Variants in COL6A3 observed in about 807,000 individuals in gnomAD.
The protein encoded by COL6A3 is collagen type VI alpha 3 chain, also known as collagen alpha-3(VI) chain.
A neutral mutation model predicts 274.1 loss-of-function variants in COL6A3; 137 were observed. That is an observed-to-expected ratio of 0.50 (90% CI 0.44 to 0.58). The LOEUF is 0.58. Among genes scored for constraint, COL6A3 ranks in the 20% least tolerant of loss-of-function variants. COL6A3 has a pLI of 0.00. For missense variants in COL6A3, 3,950 were observed against 4,124.9 expected (o/e 0.96, Z 1.16); for synonymous variants, 1,650 against 1,650.6 (o/e 1.00, Z 0.01).
At chr2:237,333,706 C>T (rs1700384756) in intron 41 of COL6A3, among the ~76,000 whole-genome samples, 158 bp from the exon 42 acceptor site, 1 of 152,192 alleles carries the variant, frequency 6.6e-6, no homozygotes, top group Non-Finnish European at 1.5e-5. Flanking sequence ...ACATCCACGA[C>T]TTATGCTGTG....
intron 5 of COL6A3, among the ~76,000 whole-genome samples, chr2:237,380,623 A>G (rs192263057): frequency 6.6e-6 from 1 of 152,362 alleles, no homozygotes. Flanking sequence ...CTGACAAGCG[A>G]TAAGAACTGA....
chr2:237,352,015 C>T (rs1170005265), intron 26 of COL6A3, among the ~76,000 whole-genome samples: 1 of 152,204 alleles, frequency 6.6e-6, no homozygotes, highest in Non-Finnish European at 1.5e-5. Flanking sequence ...GATCCTAGCC[C>T]AGCAATGACA....
At chr2:237,378,179 CTTTG>C (rs2077901744) in intron 6 of COL6A3, among the ~76,000 whole-genome samples, 1 of 152,160 alleles carries the variant, frequency 6.6e-6, no homozygotes, top group Non-Finnish European at 1.5e-5. Context: ...AAGATGCACC[CTTTG>C]TTTGTTTTAT....
chr2:237,329,716 T>TA (rs1349685830), intron 42 of COL6A3: 4 of 152,230 alleles, frequency 2.6e-5, no homozygotes, highest in African/African-American at 4.8e-5. Flanking sequence ...GTATCCAATA[T>TA]AAGAGCTCTT....
Position 237,344,064 on chromosome 2 carries a change from GTAGA to G in COL6A3, c.7668+282_7668+285del. On this transcript the variant is annotated intron_variant, in intron 36 of 43. Transcript: ENST00000295550. The surrounding 1 kb of genome is among the most constrained non-coding windows in gnomAD (Gnocchi z 4.8). ...GCAAACAAGTCACACCACCTTGTTA[GTAGA>G]TAGAGAGTGTCACCAACACTAGCAT... 1 of 505,962 alleles carries G rather than the reference GTAGA, an allele frequency of 2.0e-6. No individual in the cohort carries two copies. Among genetic ancestry groups the G allele is most frequent in the South Asian group, 2.0e-5 (1 of 49,686 alleles). 31.3% of individuals were successfully genotyped at this position (505,962 alleles called of 1,614,324 possible). A position where few individuals can be genotyped will look rare whatever the true frequency, so the allele number is the denominator to read the frequency against.
rs764027352 is a variant in COL6A3 at position 237,351,193 on chromosome 2, C to G, written c.6754-1G>C. ...GAGCACCAGCGGCACCTCCGCTTCC[C>G]TGGAGCAGGAGGGGAGGAATGTGTC... On this transcript the variant is annotated splice_acceptor_variant, in intron 26 of 43. Transcript: ENST00000295550. LOFTEE classifies it high-confidence loss of function. 6.2e-7 allele frequency: 1 copy of G among 1,614,140 alleles called. No individual in the cohort carries two copies.
rs1216842831 is a variant in COL6A3, at chr2:237,369,039, A to G, written c.4424T>C (p.Val1475Ala). The G allele has an allele frequency of 2.5e-6, 4 of 1,613,900 alleles. No individual in the cohort carries two copies. The Admixed American group carries it at 5.0e-5, about 20-fold the overall frequency. The change falls in exon 10 of 44, where the codon GTT becomes GCT. Residue 1475 changes from valine (V) to alanine (A), a missense_variant. By Grantham distance (64) the Val-to-Ala change is moderately conservative. Coordinates refer to ENST00000295550, the MANE Select transcript of COL6A3 (RefSeq NM_004369.4). The stretch of plus-strand genomic sequence containing the variant: ...ATCATTGCTGAACTGCACGACCCCA[A>G]CTCTCACTTTACTGGGGCCGATGTT... ...RLNIGPSKVRVGVVQFSNDVF... is the reference protein window; with the variant it reads ...RLNIGPSKVRAGVVQFSNDVF...
At position 237,342,376 on chromosome 2, in the gene COL6A3, A is replaced by G. The variant is rs1402153478; in HGVS notation, c.7669-215T>C. The G allele has an allele frequency of 2.4e-5, 14 of 583,134 alleles. No homozygotes were observed. In the Admixed American group the frequency reaches 2.8e-4, roughly 12 times the overall value. 36.1% of individuals were successfully genotyped at this position (583,134 alleles called of 1,614,324 possible). ...TCTACTAGGGTGAGCTGGAGTTCAT[A>G]TCCCGTTCAAATGGGTTTCAGTTTT... On this transcript the variant is annotated intron_variant, in intron 36 of 43. Coordinates refer to ENST00000295550, the MANE Select transcript of COL6A3 (RefSeq NM_004369.4).
At chr2:237,338,036 T>C (rs942685897) in intron 39 of COL6A3, among the ~76,000 whole-genome samples, 1 of 152,242 alleles carries the variant, frequency 6.6e-6, no homozygotes, top group Admixed American at 6.5e-5. Flanking sequence ...ATACGGTAAA[T>C]TGTTTGGAAC....
In COL6A3 at chr2:237,336,232, A is replaced by T; in HGVS notation, c.8868T>A (p.Ala2956=). The T allele has an allele frequency of 6.2e-7, 1 of 1,612,062 alleles. No homozygotes were observed. The highest frequency in any genetic ancestry group is 1.1e-5 in the South Asian group (1 of 91,014). ...AAKPAAVRPP[A]AAAAKPVATK... ...TCGCCACTGGTTTTGCAGCAGCAGCAGCGGGGGGTCTTACAGCTGCTGGCT... is the reference window on the plus strand; with the variant it reads ...TCGCCACTGGTTTTGCAGCAGCAGCTGCGGGGGGTCTTACAGCTGCTGGCT... The change falls in exon 40 of 44, where the codon GCT becomes GCA. Residue 2956 remains alanine, a synonymous_variant. Coordinates refer to ENST00000295550, the MANE Select transcript of COL6A3 (RefSeq NM_004369.4).
At position 237,336,672 on chromosome 2, in the gene COL6A3, T is replaced by C. The variant is rs1002394714; in HGVS notation, c.8568-140A>G. 36 of 784,328 alleles carry C rather than the reference T, an allele frequency of 4.6e-5. 1 individual carries two copies. In the South Asian group the frequency reaches 4.7e-4, roughly 10 times the overall value. The allele number at this position is 784,328 out of a possible 1,614,324, so 48.6% of individuals were successfully genotyped here. ...TATAGATTATGTATAGCAGTGCATATATTAAATTCCTTCTTTTAAGGATCT... is the reference window on the plus strand; with the variant it reads ...TATAGATTATGTATAGCAGTGCATACATTAAATTCCTTCTTTTAAGGATCT... On this transcript the variant is annotated intron_variant, in intron 39 of 43. Transcript: ENST00000295550.
intron 42 of COL6A3, among the ~76,000 whole-genome samples, chr2:237,332,311 C>T (rs1397214017): frequency 6.6e-6 from 1 of 151,398 alleles, no homozygotes; most frequent in African/African-American, 2.4e-5. Context: ...CTTTTTCTCT[C>T]AATGAAGCAC....
rs764882498 is a variant in COL6A3 at position 237,359,180 on chromosome 2, T to G, written c.6354+26A>C. ...CTGGAATCTTCAGAACCAAAAGCAG[T>G]TTGGACTTAGAGTAAAATCACTTAC... On this transcript the variant is annotated intron_variant, in intron 19 of 43. Transcript: ENST00000295550. The G allele has an allele frequency of 4.2e-5, 67 of 1,614,040 alleles. 1 individual carries two copies. In the South Asian group the frequency reaches 7.1e-4, roughly 17 times the overall value.
intron 31 of COL6A3, among the ~76,000 whole-genome samples, chr2:237,346,876 AACAG>A (rs1359539815): frequency 5.3e-5 from 8 of 152,084 alleles, no homozygotes; most frequent in African/African-American, 1.2e-4. Context: ...GAGAATAGGT[AACAG>A]ACAGTGAATT....
In COL6A3 at chr2:237,361,785, G is replaced by A. The variant is rs1294993953; in HGVS notation, c.6110C>T (p.Ser2037Phe). Reference sequence around the variant, plus strand: ...GGGCCCGCGGTCTCCCCTCTGCCCAGAGCACTTGCAGGGAACCCCACAGCA... The same window carrying A: ...GGGCCCGCGGTCTCCCCTCTGCCCAAAGCACTTGCAGGGAACCCCACAGCA... ...KACCGVPCKC[S>F]GQRGDRGPIG... The change falls in exon 15 of 44, where the codon TCT (serine) becomes TTT (phenylalanine). Residue 2037 changes from serine (S) to phenylalanine (F), a missense_variant. By Grantham distance (155) the Ser-to-Phe change is radical. Around this residue, in one of 5 missense-constraint regions of COL6A3, gnomAD observed 92 missense variants for 143.4 expected, o/e 0.64. Transcript: ENST00000295550. The surrounding 1 kb of genome is among the most constrained non-coding windows in gnomAD (Gnocchi z 5.1). 6.2e-7 allele frequency: 1 copy of A among 1,614,202 alleles called. No individual in the cohort carries two copies. The highest frequency in any genetic ancestry group is 8.5e-7 in the Non-Finnish European group (1 of 1,180,042).
intron 1 of COL6A3, among the ~76,000 whole-genome samples, chr2:237,409,944 G>A (rs1559296940): frequency 6.6e-6 from 1 of 152,138 alleles, no homozygotes; most frequent in Non-Finnish European, 1.5e-5. Flanking sequence ...GCAATTGTTT[G>A]GGAACAAAGA....
intron 7 of COL6A3, 28 bp from the exon 8 acceptor site, chr2:237,375,048 C>T: frequency 1.2e-6 from 2 of 1,612,022 alleles, no homozygotes; most frequent in Non-Finnish European, 1.7e-6. Context: ...TGGTAACTCA[C>T]ACAGGACATC....
intron 39 of COL6A3, 116 bp downstream of exon 39, chr2:237,338,899 G>A: frequency 1.3e-6 from 1 of 764,762 alleles, no homozygotes; most frequent in Admixed American, 2.2e-5. Flanking sequence ...TTACCTTTGG[G>A]AAGTCACATT....
intron 12 of COL6A3, among the ~76,000 whole-genome samples, chr2:237,365,329 TG>T (rs760856071): frequency 6.6e-6 from 1 of 151,984 alleles, no homozygotes; most frequent in Non-Finnish European, 1.5e-5. Context: ...CAAACTCACA[TG>T]GTGTGTGTGT....
Sources: gnomAD v4.1 joint callset for allele counts (sites outside exome capture counted in the v4.1 genomes callset) on GRCh38, gnomAD v4.1.1 for gene constraint, gnomAD v4.1.1 regional missense constraint, Gnocchi (gnomAD v3.1) non-coding constraint, MANE v1.5 for transcripts, NCBI Gene and HGNC (gene_info 2026-07-23, HGNC 2026-07-21) for gene names.